Variants in ANKS1B observed in about 807,000 individuals in gnomAD.
ANKS1B encodes the protein ankyrin repeat and sterile alpha motif domain-containing protein 1B.
Under a neutral mutation model 148.3 loss-of-function variants are expected in ANKS1B, and 36 were observed. That is an observed-to-expected ratio of 0.24 (90% CI 0.19 to 0.32). The LOEUF is 0.32. Ranked by LOEUF, ANKS1B falls within the 10% of genes least tolerant of loss-of-function variation. The pLI, the probability that ANKS1B is intolerant of heterozygous loss-of-function variation, is 1.00. For synonymous variants in ANKS1B, 542 were observed against 560.8 expected (o/e 0.97, Z 0.47); for missense variants, 1,157 against 1,542.6 (o/e 0.75, Z 4.19).
intron 8 of ANKS1B, among the ~76,000 whole-genome samples, chr12:99,714,015 T>C (rs769065454): frequency 2.6e-5 from 4 of 152,218 alleles, no homozygotes; most frequent in Admixed American, 6.5e-5. Context: ...CTAAAATAGA[T>C]TTTGAAATGT....
At chr12:98,890,056 A>G (rs77815936) in intron 17 of ANKS1B, among the ~76,000 whole-genome samples, 1,762 of 152,314 alleles carry the variant, frequency 0.012, 35 homozygotes, top group African/African-American at 0.04. Context: ...AAGACAGGGA[A>G]GACGACTTCC....
intron 14 of ANKS1B, among the ~76,000 whole-genome samples, chr12:99,210,596 T>A (rs993224500): frequency 1.3e-5 from 2 of 152,224 alleles, no homozygotes; most frequent in African/African-American, 4.8e-5. Flanking sequence ...GTAAAACTTC[T>A]AGACTCACAT....
intron 14 of ANKS1B, chr12:99,154,876 C>T (rs2075818076): frequency 1.3e-6 from 2 of 1,534,678 alleles, no homozygotes; most frequent in African/African-American, 1.4e-5. Context: ...CCAGCCCAGG[C>T]TACACCTCGC....
intron 9 of ANKS1B, among the ~76,000 whole-genome samples, chr12:99,586,993 C>T (rs1486133780): frequency 6.6e-6 from 1 of 151,046 alleles, no homozygotes; most frequent in Non-Finnish European, 1.5e-5. Flanking sequence ...ATACACAAAA[C>T]ATATATATAT....
At chr12:99,132,950 T>C (rs1234274915) in intron 15 of ANKS1B, among the ~76,000 whole-genome samples, 1 of 151,366 alleles carries the variant, frequency 6.6e-6, no homozygotes, top group East Asian at 1.9e-4. Context: ...CATTGAAAAC[T>C]GTGCCTTGTC....
chr12:99,225,567 C>G (rs1007919465), intron 14 of ANKS1B, among the ~76,000 whole-genome samples: 1 of 152,038 alleles, frequency 6.6e-6, no homozygotes, highest in Non-Finnish European at 1.5e-5. Context: ...TGGGTGGGCA[C>G]GATCTAATCA....
At chr12:99,360,714 A>G (rs1566956445) in intron 12 of ANKS1B, among the ~76,000 whole-genome samples, 2 of 152,142 alleles carry the variant, frequency 1.3e-5, no homozygotes, top group Non-Finnish European at 2.9e-5. Context: ...GATGTGTGGA[A>G]TAGAACAACT....
rs558533472 is a variant in ANKS1B at position 99,436,926 on chromosome 12, C to T, written c.1575+6747G>A. 2.6e-5 allele frequency among the ~76,000 whole-genome samples: 4 copies of T among 152,042 alleles called. No individual in the cohort carries two copies. The East Asian group carries it at 7.7e-4, about 29-fold the overall frequency. ...TCTTTGCTTCTTTTTGCTATGGTCCCTCCTTAGCTGCAAAAGAATGCAGCC... is the reference window on the plus strand; with the variant it reads ...TCTTTGCTTCTTTTTGCTATGGTCCTTCCTTAGCTGCAAAAGAATGCAGCC... On this transcript the variant is annotated intron_variant, in intron 11 of 26. Transcript: ENST00000683438.
chr12:99,802,331 C>T (rs567572218), intron 4 of ANKS1B, among the ~76,000 whole-genome samples: 1 of 152,192 alleles, frequency 6.6e-6, no homozygotes, highest in East Asian at 1.9e-4. Context: ...TGATATGGCA[C>T]TATCGCTATC....
chr12:99,832,439 A>C (rs1603225122), intron 1 of ANKS1B, among the ~76,000 whole-genome samples: 1 of 152,104 alleles, frequency 6.6e-6, no homozygotes, highest in Admixed American at 6.6e-5. Context: ...AATACCAAAA[A>C]TTAGCCAGGG....
intron 17 of ANKS1B, among the ~76,000 whole-genome samples, chr12:99,024,923 C>G (rs1197928839): frequency 6.6e-6 from 1 of 152,146 alleles, no homozygotes; most frequent in Non-Finnish European, 1.5e-5. Context: ...CTAACCAATT[C>G]TAAGAAGTTT....
At chr12:99,101,655 G>A (rs760054607) in intron 15 of ANKS1B, among the ~76,000 whole-genome samples, 3 of 152,102 alleles carry the variant, frequency 2.0e-5, no homozygotes, top group African/African-American at 7.2e-5. Flanking sequence ...TCCACCTCCC[G>A]GGTTCAAGCA....
At chr12:99,324,576 C>T (rs1280101768) in intron 12 of ANKS1B, among the ~76,000 whole-genome samples, 1 of 152,100 alleles carries the variant, frequency 6.6e-6, no homozygotes, top group Non-Finnish European at 1.5e-5. Flanking sequence ...GATTTTTAGC[C>T]TTTTCACTGT....
At chr12:98,848,160 C>T (rs1368792857) in intron 17 of ANKS1B, among the ~76,000 whole-genome samples, 1 of 152,206 alleles carries the variant, frequency 6.6e-6, no homozygotes, top group Non-Finnish European at 1.5e-5. Flanking sequence ...AAGCAACAAA[C>T]AATGACTTAG....
chr12:99,612,784 T>G (rs918286212), intron 9 of ANKS1B, among the ~76,000 whole-genome samples: 2 of 152,178 alleles, frequency 1.3e-5, no homozygotes, highest in Non-Finnish European at 2.9e-5. Flanking sequence ...TAAAACATTA[T>G]TCTTTGCATT....
intron 17 of ANKS1B, among the ~76,000 whole-genome samples, chr12:98,875,704 G>A (rs960462095): frequency 6.6e-6 from 1 of 152,170 alleles, no homozygotes; most frequent in African/African-American, 2.4e-5. Flanking sequence ...GGGACACACA[G>A]TAGGCCCGTA....
Position 99,563,962 on chromosome 12 carries a change from G to C in ANKS1B, c.1273-59321C>G, listed in dbSNP as rs546351984. 8.5e-5 allele frequency among the ~76,000 whole-genome samples: 13 copies of C among 152,238 alleles called. No homozygotes were observed. The East Asian group carries it at 1.4e-3, about 16-fold the overall frequency. The stretch of plus-strand genomic sequence containing the variant: ...TTGTCAGTCAAGATCATGTTTGCAA[G>C]ATTTCTAGATATAGTTAATGATATG... On this transcript the variant is annotated intron_variant, in intron 9 of 26. Transcript: ENST00000683438.
intron 16 of ANKS1B, among the ~76,000 whole-genome samples, chr12:99,081,585 T>C (rs2049793885): frequency 6.6e-6 from 1 of 152,186 alleles, no homozygotes; most frequent in Non-Finnish European, 1.5e-5. Context: ...AATGTGCGTC[T>C]GGATGTTTTT....
intron 17 of ANKS1B, among the ~76,000 whole-genome samples, chr12:98,909,724 T>C (rs894642196): frequency 6.6e-6 from 1 of 152,244 alleles, no homozygotes; most frequent in African/African-American, 2.4e-5. Context: ...GTCATTGTAC[T>C]GTGATGACAC....
Sources: gnomAD v4.1 joint callset for allele counts (sites outside exome capture counted in the v4.1 genomes callset) on GRCh38, gnomAD v4.1.1 for gene constraint, MANE v1.5 for transcripts, NCBI Gene and HGNC (gene_info 2026-07-23, HGNC 2026-07-21) for gene names.